Variants in SORBS2 observed in about 807,000 individuals in gnomAD.
SORBS2 encodes sorbin and SH3 domain containing 2, also known as sorbin and SH3 domain-containing protein 2.
A neutral mutation model predicts 97.7 loss-of-function variants in SORBS2; 46 were observed. That is an observed-to-expected ratio of 0.47 (90% CI 0.37 to 0.60). The LOEUF is 0.60. SORBS2 is among the 20% of genes least tolerant of loss of function. The pLI, the probability that SORBS2 is intolerant of heterozygous loss-of-function variation, is 0.00. For synonymous variants in SORBS2, 476 were observed against 473.4 expected (o/e 1.01, Z -0.07); for missense variants, 1,316 against 1,282.3 (o/e 1.03, Z -0.40).
chr4:185,843,728 T>C (rs564500427), intron 1 of SORBS2, among the ~76,000 whole-genome samples: 2 of 152,284 alleles, frequency 1.3e-5, no homozygotes, highest in Admixed American at 6.5e-5. Context: ...GAGAGATATA[T>C]CATGTTCATG....
intron 1 of SORBS2, among the ~76,000 whole-genome samples, chr4:185,868,890 T>C (rs1253241864): frequency 6.6e-6 from 1 of 152,218 alleles, no homozygotes; most frequent in African/African-American, 2.4e-5. Flanking sequence ...GCACAGAATA[T>C]TCCACTTTAA....
intron 11 of SORBS2, among the ~76,000 whole-genome samples, chr4:185,613,379 A>G (rs1300830270): frequency 6.6e-6 from 1 of 151,896 alleles, no homozygotes; most frequent in African/African-American, 2.4e-5. Context: ...GCTGGATGCA[A>G]TCGCTCACGC....
intron 1 of SORBS2, among the ~76,000 whole-genome samples, chr4:185,922,634 C>G (rs2099261436): frequency 6.6e-6 from 1 of 152,098 alleles, no homozygotes; most frequent in Admixed American, 6.5e-5. Context: ...AGCTATTGGC[C>G]CAATTTCTCC....
At chr4:185,740,080 T>A (rs916371226) in intron 2 of SORBS2, 1 of 152,656 alleles carries the variant, frequency 6.6e-6, no homozygotes, top group African/African-American at 2.4e-5. Flanking sequence ...CAAATCAGCA[T>A]CGCGATGCCC....
Position 185,750,188 on chromosome 4 carries a change from T to C in SORBS2, c.-198+25039A>G, listed in dbSNP as rs377334574. On this transcript the variant is annotated intron_variant, in intron 2 of 20. Coordinates refer to the SORBS2 transcript ENST00000284776. ...ACTCACAGCAAGTTCTTAAGAACTCTTTCGAAACTATTCCTCATGGGCAAA... is the reference window on the plus strand; with the variant it reads ...ACTCACAGCAAGTTCTTAAGAACTCCTTCGAAACTATTCCTCATGGGCAAA... Among the ~76,000 whole-genome samples, 100 of 152,360 alleles carry C rather than the reference T, an allele frequency of 6.6e-4. No homozygotes were observed. In the South Asian group the frequency reaches 0.02, roughly 31 times the overall value.
intron 2 of SORBS2, among the ~76,000 whole-genome samples, chr4:185,691,937 C>T (rs2098105394): frequency 6.6e-6 from 1 of 152,172 alleles, no homozygotes; most frequent in Non-Finnish European, 1.5e-5. Flanking sequence ...TTAGTAGAGA[C>T]AGGGTTTCAC....
chr4:185,599,830 T>A (rs1452109898), intron 12 of SORBS2, among the ~76,000 whole-genome samples: 2 of 152,096 alleles, frequency 1.3e-5, no homozygotes, highest in African/African-American at 4.8e-5. Context: ...ATCTTCAGGG[T>A]GTCTCCAGCC....
chr4:185,696,192 C>T (rs1003415261), intron 2 of SORBS2, among the ~76,000 whole-genome samples: 2 of 152,056 alleles, frequency 1.3e-5, no homozygotes, highest in Non-Finnish European at 2.9e-5. Context: ...TTTAATTAGA[C>T]CAAATGTCCT....
At chr4:185,626,128 G>A (rs1323380753) in intron 6 of SORBS2, among the ~76,000 whole-genome samples, 1 of 150,420 alleles carries the variant, frequency 6.6e-6, no homozygotes, top group South Asian at 2.1e-4. Flanking sequence ...GAAACCAGAA[G>A]GAGTGACTTC....
chr4:185,758,152 C>T (rs1292183452), intron 2 of SORBS2, among the ~76,000 whole-genome samples: 1 of 152,212 alleles, frequency 6.6e-6, no homozygotes, highest in Non-Finnish European at 1.5e-5. Flanking sequence ...GATAATTTCA[C>T]ATACCTAGTA....
chr4:185,903,885 A>T (rs1236306420), intron 1 of SORBS2, among the ~76,000 whole-genome samples: 3 of 152,224 alleles, frequency 2.0e-5, no homozygotes, highest in Non-Finnish European at 4.4e-5. Flanking sequence ...GAACTACAGG[A>T]TAATTACTGT....
chr4:185,684,728 C>T lies in SORBS2; in HGVS notation c.-197-5906G>A, dbSNP rs1197682550. 1 of 1,483,702 alleles carries T rather than the reference C, an allele frequency of 6.7e-7. No homozygotes were observed. The highest frequency in any genetic ancestry group is 9.2e-7 in the Non-Finnish European group (1 of 1,085,972). The allele number at this position is 1,483,702 out of a possible 1,614,324, so 91.9% of individuals were successfully genotyped here. On this transcript the variant is annotated intron_variant, in intron 2 of 20. Coordinates refer to the SORBS2 transcript ENST00000284776. The surrounding 1 kb of genome is among the most constrained non-coding windows in gnomAD (Gnocchi z 4.2). ...AGAGCTAGAAGCCATTCAAGTGCGA[C>T]ATTGTGTGAGTTAGTGATATTATAC...
In SORBS2 at chr4:185,606,356, A is replaced by G. The variant is rs1476642816; in HGVS notation, c.2796+5424T>C. 4 of 965,556 alleles carry G rather than the reference A, an allele frequency of 4.1e-6. No homozygotes were observed. The highest frequency in any genetic ancestry group is 3.5e-5 in the African/African-American group (2 of 56,774). The allele number at this position is 965,556 out of a possible 1,614,324, so 59.8% of individuals were successfully genotyped here. A position where few individuals can be genotyped will look rare whatever the true frequency, so the allele number is the denominator to read the frequency against. On this transcript the variant is annotated intron_variant, in intron 12 of 14. Coordinates refer to ENST00000418609, the Ensembl canonical transcript of SORBS2. This position sits in a 1 kb window ranked among gnomAD's most constrained non-coding sequence, Gnocchi z 4.3. ...ACAAAGACTTTTACAATATAAGTTT[A>G]TGGTCCTGAAGAAAAATGGGATAAT...
intron 2 of SORBS2, among the ~76,000 whole-genome samples, chr4:185,724,046 T>G (rs926205386): frequency 6.6e-6 from 1 of 152,242 alleles, no homozygotes; most frequent in Non-Finnish European, 1.5e-5. Context: ...GCATGCCGAT[T>G]TCTGTACTGT....
intron 1 of SORBS2, among the ~76,000 whole-genome samples, chr4:185,837,920 C>T (rs2099209083): frequency 6.6e-6 from 1 of 151,516 alleles, no homozygotes; most frequent in South Asian, 2.1e-4. Flanking sequence ...GGGCCAGTCC[C>T]ACCTCTTCCA....
chr4:185,591,595 G>A (rs78331046), intron 13 of SORBS2, among the ~76,000 whole-genome samples: 2 of 152,130 alleles, frequency 1.3e-5, no homozygotes, highest in Non-Finnish European at 2.9e-5. Flanking sequence ...GAAAGTTCAC[G>A]GTCCCTTTTC....
intron 1 of SORBS2, among the ~76,000 whole-genome samples, chr4:185,783,919 G>C (rs1403920191): frequency 6.6e-6 from 1 of 152,178 alleles, no homozygotes; most frequent in Non-Finnish European, 1.5e-5. Context: ...AATAAGTCAA[G>C]TAGGTAAGAG....
chr4:185,633,841 C>T (rs1481500397), intron 4 of SORBS2, among the ~76,000 whole-genome samples: 1 of 151,260 alleles, frequency 6.6e-6, no homozygotes, highest in Non-Finnish European at 1.5e-5. Context: ...ACTCTAAATT[C>T]CATTTCAGTT....
At chr4:185,915,414 C>T (rs540567567) in intron 1 of SORBS2, among the ~76,000 whole-genome samples, 1 of 152,294 alleles carries the variant, frequency 6.6e-6, no homozygotes, top group African/African-American at 2.4e-5. Flanking sequence ...TAGTAATCAG[C>T]TCTGAAGGTC....
Sources: allele counts gnomAD v4.1 joint callset (sites outside exome capture counted in the v4.1 genomes callset), GRCh38; gene constraint gnomAD v4.1.1; non-coding constraint Gnocchi (gnomAD v3.1); transcripts MANE v1.5; gene names NCBI Gene and HGNC (gene_info 2026-07-23, HGNC 2026-07-21).